Variants in MIOS observed in about 807,000 individuals in gnomAD.
The protein encoded by MIOS is GATOR2 complex protein MIOS.
Under a neutral mutation model 96.9 loss-of-function variants are expected in MIOS, and 52 were observed. That is an observed-to-expected ratio of 0.54 (90% CI 0.43 to 0.68). MIOS has a LOEUF of 0.68. Ranked by LOEUF, MIOS falls within the 30% of genes least tolerant of loss-of-function variation. MIOS has a pLI of 0.00. For missense variants in MIOS, 1,005 were observed against 1,052.8 expected (o/e 0.95, Z 0.63); for synonymous variants, 397 against 359.5 (o/e 1.10, Z -1.18).
At chr7:7,581,745 C>T (rs143876323) in intron 5 of MIOS, 1 of 152,178 alleles carries the variant, frequency 6.6e-6, no homozygotes, top group South Asian at 2.1e-4. Context: ...CCTCTCAGAG[C>T]ACAGCAGCTT....
At chr7:7,591,972 TC>T (rs1339485429) in intron 9 of MIOS, among the ~76,000 whole-genome samples, 1 of 121,864 alleles carries the variant, frequency 8.2e-6, no homozygotes, top group Non-Finnish European at 1.7e-5. Context: ...CCACTATTCT[TC>T]AAATTGGTTA....
At chr7:7,600,350 G>A (rs1429203574) in intron 11 of MIOS, among the ~76,000 whole-genome samples, 2 of 151,914 alleles carry the variant, frequency 1.3e-5, no homozygotes, top group South Asian at 2.1e-4. Context: ...GACACACATA[G>A]GCTCAAAATA....
rs200207528 is a variant in MIOS at position 7,595,013 on chromosome 7, G to A, written c.2077G>A (p.Val693Ile). Reference sequence around the variant, plus strand: ...TTTAGATGTTCTTAAAGATGAAAGGGTTCAGTACTGGATTGAGAATTATAG... The same window carrying A: ...TTTAGATGTTCTTAAAGATGAAAGGATTCAGTACTGGATTGAGAATTATAG... ...SPLDVLKDER[V>I]QYWIENYRNL... is the part of the protein sequence containing the mutation. Residue 693 changes from valine (V) to isoleucine (I), a missense_variant, in exon 10 of 13, where the codon GTT becomes ATT. By Grantham distance (29) the Val-to-Ile change is conservative (BLOSUM62 3). Around this residue, in one of 3 missense-constraint regions of MIOS, gnomAD observed 865 missense variants for 887.9 expected, o/e 0.97. Coordinates refer to ENST00000340080, the MANE Select transcript of MIOS (RefSeq NM_019005.4). The A allele has an allele frequency of 1.2e-6, 2 of 1,612,230 alleles. No homozygotes were observed. The highest frequency in any genetic ancestry group is 1.7e-6 in the Non-Finnish European group (2 of 1,179,188).
chr7:7,604,070 G>T lies in MIOS; in HGVS notation c.2402-1872G>T, dbSNP rs533414879. 1.1e-4 allele frequency among the ~76,000 whole-genome samples: 17 copies of T among 151,508 alleles called. No homozygotes were observed. The East Asian group carries it at 1.7e-3, about 16-fold the overall frequency. Reference sequence around the variant, plus strand: ...TACACATCGGGGACTGTTGTGGGGTGCGGGGAAGGGGGAGGGATAGCATTA... The same window carrying T: ...TACACATCGGGGACTGTTGTGGGGTTCGGGGAAGGGGGAGGGATAGCATTA... On this transcript the variant is annotated intron_variant, in intron 11 of 12. Transcript: ENST00000340080.
At position 7,573,349 on chromosome 7, in the gene MIOS, A is replaced by G. The variant is rs1783417163; in HGVS notation, c.874A>G (p.Ile292Val). Residue 292 changes from isoleucine (I) to valine (V), a missense_variant, in exon 4 of 13, where the codon ATT (isoleucine) becomes GTT (valine). Coordinates refer to ENST00000340080, the MANE Select transcript of MIOS (RefSeq NM_019005.4). The surrounding 1 kb of genome is among the most constrained non-coding windows in gnomAD (Gnocchi z 5.0). Reference sequence around the variant, plus strand: ...TGCCACTTTAACAAGGGATAGTAATATTATTAGATTGTATGATATGCAGCA... The same window carrying G: ...TGCCACTTTAACAAGGGATAGTAATGTTATTAGATTGTATGATATGCAGCA... ...LLATLTRDSN[I>V]IRLYDMQHTP... is the part of the protein sequence containing the mutation. 2.5e-6 allele frequency: 4 copies of G among 1,614,146 alleles called. No individual in the cohort carries two copies. Among genetic ancestry groups the G allele is most frequent in the Non-Finnish European group, 2.5e-6 (3 of 1,179,980 alleles).
chr7:7,583,449 C>A, intron 6 of MIOS, 77 bp downstream of exon 6: 1 of 1,383,560 alleles, frequency 7.2e-7, no homozygotes, highest in Non-Finnish European at 9.6e-7. Context: ...AGAAAAGAGG[C>A]TAATAATTTT....
At chr7:7,606,181 AT>A in intron 12 of MIOS, 110 bp downstream of exon 12, 1 of 1,363,476 alleles carries the variant, frequency 7.3e-7, no homozygotes. Context: ...TATGAATTTT[AT>A]TTTTTACTGT....
chr7:7,575,515 T>C (rs918120455), intron 5 of MIOS, among the ~76,000 whole-genome samples: 1 of 152,134 alleles, frequency 6.6e-6, no homozygotes, highest in African/African-American at 2.4e-5. Flanking sequence ...ACATACTGTT[T>C]TACTCCCACA....
At chr7:7,592,216 T>C (rs952947414) in intron 9 of MIOS, among the ~76,000 whole-genome samples, 2 of 152,220 alleles carry the variant, frequency 1.3e-5, no homozygotes, top group African/African-American at 4.8e-5. Context: ...CTTAAATGCC[T>C]GTCCTCAAGT....
chr7:7,568,501 A>G (rs1399380645), intron 3 of MIOS, among the ~76,000 whole-genome samples: 5 of 152,220 alleles, frequency 3.3e-5, no homozygotes, highest in Admixed American at 2.6e-4. Flanking sequence ...TACACTTCTT[A>G]AAAGGGTGGA....
chr7:7,573,193 G>T lies in MIOS; in HGVS notation c.718G>T (p.Val240Phe). ...VTVDPYFHDRVASFYEGQVAI... is the reference protein window; with the variant it reads ...VTVDPYFHDRFASFYEGQVAI... Reference sequence around the variant, plus strand: ...GGTAGACCCATATTTCCACGATCGTGTTGCTTCCTTCTATGAAGGTCAGGT... The same window carrying T: ...GGTAGACCCATATTTCCACGATCGTTTTGCTTCCTTCTATGAAGGTCAGGT... The change falls in exon 4 of 13, where the codon GTT becomes TTT. Residue 240 changes from valine (V) to phenylalanine (F), a missense_variant. Transcript: ENST00000340080. The surrounding 1 kb of genome is among the most constrained non-coding windows in gnomAD (Gnocchi z 5.0). 6.2e-7 allele frequency: 1 copy of T among 1,614,116 alleles called. No homozygotes were observed. Among genetic ancestry groups the T allele is most frequent in the Non-Finnish European group, 8.5e-7 (1 of 1,179,976 alleles).
chr7:7,579,145 C>T (rs1375749854), intron 5 of MIOS, among the ~76,000 whole-genome samples: 2 of 152,102 alleles, frequency 1.3e-5, no homozygotes, highest in African/African-American at 2.4e-5. Flanking sequence ...ACATAACATG[C>T]ATAAATATAT....
chr7:7,570,866 GCCTGGTTCCTAA>G (rs1783328466), intron 3 of MIOS, among the ~76,000 whole-genome samples: 1 of 152,176 alleles, frequency 6.6e-6, no homozygotes, highest in South Asian at 2.1e-4. Flanking sequence ...CTGCTGTGTG[GCCTGGTTCCTAA>G]CAGGCCAGGG....
intron 3 of MIOS, among the ~76,000 whole-genome samples, 168 bp downstream of exon 3, chr7:7,568,291 C>T (rs1365220535): frequency 6.6e-6 from 1 of 152,136 alleles, no homozygotes; most frequent in Non-Finnish European, 1.5e-5. Flanking sequence ...AGTTGATTGT[C>T]ACAGCTTTGT....
intron 5 of MIOS, among the ~76,000 whole-genome samples, chr7:7,577,036 G>A (rs1250729299): frequency 6.6e-6 from 1 of 152,148 alleles, no homozygotes; most frequent in Non-Finnish European, 1.5e-5. Context: ...TTGGGCAATA[G>A]GATATCAGTT....
intron 11 of MIOS, among the ~76,000 whole-genome samples, chr7:7,602,961 C>A (rs1583660443): frequency 6.6e-6 from 1 of 152,000 alleles, no homozygotes; most frequent in Non-Finnish European, 1.5e-5. Flanking sequence ...GAAAAACAAG[C>A]AATGGGGAAA....
rs1583629873 is a variant in MIOS, at chr7:7,578,295, T to G, written c.1393+4099T>G. The stretch of plus-strand genomic sequence containing the variant: ...TATAGCAAGTTCACAGTGTTATTAG[T>G]AGGTATAATTCCTTCCTTTTAAGAT... On this transcript the variant is annotated intron_variant, in intron 5 of 12. Coordinates refer to ENST00000340080, the MANE Select transcript of MIOS (RefSeq NM_019005.4). Among the ~76,000 whole-genome samples, 3 of 152,328 alleles carry G rather than the reference T, an allele frequency of 2.0e-5. No homozygotes were observed. The Middle Eastern group carries it at 0.01, about 518-fold the overall frequency.
chr7:7,586,143 T>C (rs1455819503), intron 7 of MIOS, among the ~76,000 whole-genome samples: 1 of 149,634 alleles, frequency 6.7e-6, no homozygotes, highest in Non-Finnish European at 1.5e-5. Context: ...GTTTACACTG[T>C]GCACACATGC....
In MIOS at chr7:7,583,226, AGAAAG is replaced by A; in HGVS notation, c.1506_1510del (p.Lys502AsnfsTer40). The stretch of plus-strand genomic sequence containing the variant: ...GCTTTACAGCTTTGTGGGTGGATAA[AGAAAG>A]GAACGGATGTAGACGTGGGGCCATT... On this transcript the variant is annotated frameshift_variant, in exon 6 of 13. Transcript: ENST00000340080. The A allele has an allele frequency of 6.2e-7, 1 of 1,614,184 alleles. No homozygotes were observed. Among genetic ancestry groups the A allele is most frequent in the Non-Finnish European group, 8.5e-7 (1 of 1,180,008 alleles).
Sources: gnomAD v4.1 joint callset for allele counts (sites outside exome capture counted in the v4.1 genomes callset) on GRCh38, gnomAD v4.1.1 for gene constraint, gnomAD v4.1.1 regional missense constraint, Gnocchi (gnomAD v3.1) non-coding constraint, MANE v1.5 for transcripts, NCBI Gene and HGNC (gene_info 2026-07-23, HGNC 2026-07-21) for gene names.